MLLT3: variants seen among roughly 807,000 people sequenced by gnomAD.
The protein encoded by MLLT3 is protein AF-9.
MLLT3 carries 4 observed loss-of-function variants against 53.2 expected under a neutral mutation model. That is an observed-to-expected ratio of 0.08 (90% CI 0.04 to 0.17). MLLT3 has a LOEUF of 0.17. Among genes scored for constraint, MLLT3 ranks in the 10% least tolerant of loss-of-function variants. The pLI is 1.00. For synonymous variants in MLLT3, 283 were observed against 230.6 expected (o/e 1.23, Z -2.06); for missense variants, 569 against 684.0 (o/e 0.83, Z 1.87).
At chr9:20,542,613 G>A (rs1483273476) in intron 2 of MLLT3, among the ~76,000 whole-genome samples, 1 of 152,116 alleles carries the variant, frequency 6.6e-6, no homozygotes, top group African/African-American at 2.4e-5. Flanking sequence ...TATTCAGTAA[G>A]CCATGCAGTA....
intron 2 of MLLT3, among the ~76,000 whole-genome samples, chr9:20,466,094 A>C (rs1243124854): frequency 6.6e-6 from 1 of 152,196 alleles, no homozygotes; most frequent in Admixed American, 6.5e-5. Context: ...GGAAGGACTC[A>C]TCCTAGTTTT....
In MLLT3 at chr9:20,342,632, T is replaced by G; in HGVS notation, c.*3811A>C. On this transcript the variant is annotated 3_prime_UTR_variant, in exon 11 of 11. Coordinates refer to ENST00000380338, the MANE Select transcript of MLLT3 (RefSeq NM_004529.4). ...TTCTTCACTGCATCTTTACAAGGAA[T>G]ATTCAGGGATGGCAGTGCCTACATA... 1 of 215,524 alleles carries G rather than the reference T, an allele frequency of 4.6e-6. No individual in the cohort carries two copies. Among genetic ancestry groups the G allele is most frequent in the Non-Finnish European group, 9.3e-6 (1 of 107,136 alleles). The allele number at this position is 215,524 out of a possible 1,614,324, so 13.4% of individuals were successfully genotyped here. A position where few individuals can be genotyped will look rare whatever the true frequency, so the allele number is the denominator to read the frequency against.
At chr9:20,445,333 G>T (rs1356194426) in intron 4 of MLLT3, among the ~76,000 whole-genome samples, 1 of 151,892 alleles carries the variant, frequency 6.6e-6, no homozygotes, top group Admixed American at 6.6e-5. Flanking sequence ...AAAACACAGG[G>T]TATATTTCTT....
At chr9:20,401,888 T>C (rs1298912662) in intron 5 of MLLT3, among the ~76,000 whole-genome samples, 3 of 152,216 alleles carry the variant, frequency 2.0e-5, no homozygotes, top group Non-Finnish European at 4.4e-5. Context: ...AGAGATACTT[T>C]AGAATATGTT....
intron 2 of MLLT3, among the ~76,000 whole-genome samples, chr9:20,546,638 C>A (rs1272136966): frequency 6.6e-6 from 1 of 152,086 alleles, no homozygotes; most frequent in Non-Finnish European, 1.5e-5. Flanking sequence ...TGCGAATGAC[C>A]CTGTATGGCA....
chr9:20,438,192 A>G (rs1823452625), intron 4 of MLLT3, among the ~76,000 whole-genome samples: 1 of 152,232 alleles, frequency 6.6e-6, no homozygotes, highest in African/African-American at 2.4e-5. Context: ...TTATTTCTCC[A>G]GATAACTCTG....
intron 2 of MLLT3, among the ~76,000 whole-genome samples, chr9:20,578,947 G>A (rs1819722162): frequency 1.3e-5 from 2 of 151,814 alleles, no homozygotes; most frequent in Admixed American, 6.6e-5. Flanking sequence ...TTACTTTTTC[G>A]AGTAAAGCTA....
chr9:20,534,082 AT>A (rs1204059712), intron 2 of MLLT3, among the ~76,000 whole-genome samples: 3 of 152,348 alleles, frequency 2.0e-5, no homozygotes, highest in African/African-American at 4.8e-5. Context: ...TCAATTAAAT[AT>A]TTTTAAGTAA....
At position 20,346,393 on chromosome 9, in the gene MLLT3, ACC is replaced by A. The variant is rs367551063; in HGVS notation, c.*48_*49del. 130 of 1,333,586 alleles carry A rather than the reference ACC, an allele frequency of 9.7e-5. No homozygotes were observed. The highest frequency in any genetic ancestry group is 4.1e-4 in the South Asian group (24 of 58,878). The allele number at this position is 1,333,586 out of a possible 1,614,324, so 82.6% of individuals were successfully genotyped here. A position where few individuals can be genotyped will look rare whatever the true frequency, so the allele number is the denominator to read the frequency against. ...AAAATCACAACCAAAAAAAAAAAAA[ACC>A]AAAAAAAAAAAACACAATAGTTCTT... On this transcript the variant is annotated 3_prime_UTR_variant, in exon 11 of 11. Transcript: ENST00000380338.
At chr9:20,525,295 G>C (rs1374314690) in intron 2 of MLLT3, among the ~76,000 whole-genome samples, 1 of 152,138 alleles carries the variant, frequency 6.6e-6, no homozygotes, top group Non-Finnish European at 1.5e-5. Flanking sequence ...TCAGGAGTTT[G>C]AGACCAGTCT....
chr9:20,512,538 C>T (rs1030078710), intron 2 of MLLT3, among the ~76,000 whole-genome samples: 4 of 152,176 alleles, frequency 2.6e-5, no homozygotes, highest in African/African-American at 9.7e-5. Context: ...AGAACCACTG[C>T]CCCTAACTAT....
chr9:20,392,364 T>C (rs1201746903), intron 5 of MLLT3, among the ~76,000 whole-genome samples: 2 of 152,130 alleles, frequency 1.3e-5, no homozygotes, highest in African/African-American at 2.4e-5. Context: ...GAGAAGATGA[T>C]AGAACTGTAA....
At chr9:20,356,249 T>C (rs947239917) in intron 8 of MLLT3, among the ~76,000 whole-genome samples, 8 of 152,212 alleles carry the variant, frequency 5.3e-5, no homozygotes, top group Admixed American at 1.3e-4. Context: ...ATGCTTTTTT[T>C]CATCATTTTT....
chr9:20,475,825 C>G (rs76469955), intron 2 of MLLT3, among the ~76,000 whole-genome samples: 2,303 of 152,138 alleles, frequency 0.015, 58 homozygotes, highest in African/African-American at 0.052. Flanking sequence ...CCAAAATACA[C>G]ACAATATTTC....
At chr9:20,459,654 T>G (rs896474877) in intron 2 of MLLT3, among the ~76,000 whole-genome samples, 3 of 152,222 alleles carry the variant, frequency 2.0e-5, no homozygotes, top group Admixed American at 6.5e-5. Flanking sequence ...CTATTCTGAA[T>G]GCAAATTGCT....
Position 20,345,401 on chromosome 9 carries a change from T to A in MLLT3, c.*1042A>T, listed in dbSNP as rs564615850. 4.7e-6 allele frequency: 1 copy of A among 211,120 alleles called. No individual in the cohort carries two copies. The highest frequency in any genetic ancestry group is 2.3e-5 in the African/African-American group (1 of 44,156). The allele number at this position is 211,120 out of a possible 1,614,324, so 13.1% of individuals were successfully genotyped here. On this transcript the variant is annotated 3_prime_UTR_variant, in exon 11 of 11. Coordinates refer to ENST00000380338, the MANE Select transcript of MLLT3 (RefSeq NM_004529.4). ...TTTAGGATAAAGATGAGTAACACAC[T>A]GGCAGCTGAAGAAAGCTGAAACTCT...
rs1820821306 is a variant in MLLT3, at chr9:20,344,709, C to G, written c.*1734G>C. On this transcript the variant is annotated 3_prime_UTR_variant, in exon 11 of 11. Coordinates refer to ENST00000380338, the MANE Select transcript of MLLT3 (RefSeq NM_004529.4). ...AATAGTTTCTTTGGATAGAAAGAAA[C>G]AGTGTAAAAAATCCCCTTTTTAAAA... 4.9e-6 allele frequency: 1 copy of G among 206,106 alleles called. No individual in the cohort carries two copies. Among genetic ancestry groups the G allele is most frequent in the African/African-American group, 2.3e-5 (1 of 43,610 alleles). The allele number at this position is 206,106 out of a possible 1,614,324, so 12.8% of individuals were successfully genotyped here. A position where few individuals can be genotyped will look rare whatever the true frequency, so the allele number is the denominator to read the frequency against.
chr9:20,367,973 C>T (rs888901597), intron 5 of MLLT3, among the ~76,000 whole-genome samples: 2 of 152,182 alleles, frequency 1.3e-5, no homozygotes, highest in African/African-American at 4.8e-5. Context: ...CATCCTCAGG[C>T]TTGATGGGAA....
intron 4 of MLLT3, among the ~76,000 whole-genome samples, chr9:20,447,800 C>T (rs1224655290): frequency 6.6e-6 from 1 of 152,112 alleles, no homozygotes; most frequent in Non-Finnish European, 1.5e-5. Flanking sequence ...TGATATAACA[C>T]AGTTCAAATA....
Sources: gnomAD v4.1 joint callset for allele counts (sites outside exome capture counted in the v4.1 genomes callset) on GRCh38, gnomAD v4.1.1 for gene constraint, MANE v1.5 for transcripts, NCBI Gene and HGNC (gene_info 2026-07-23, HGNC 2026-07-21) for gene names.